The following CSMD3 variants were observed in gnomAD, a reference collection of about 807,000 sequenced individuals.
The protein encoded by CSMD3 is CUB and Sushi multiple domains 3, also known as CUB and sushi domain-containing protein 3.
A neutral mutation model predicts 435.2 loss-of-function variants in CSMD3; 177 were observed. The observed-to-expected ratio is 0.41, with a 90% CI of 0.36 to 0.46. The LOEUF (loss-of-function observed/expected upper bound fraction) is 0.46. Ranked by LOEUF, CSMD3 falls within the 20% of genes least tolerant of loss-of-function variation. The probability of loss-of-function intolerance (pLI) is 0.34; values close to 1 mark genes in which losing one functional copy is unlikely to be tolerated. For synonymous variants in CSMD3, 1,656 were observed against 1,520.5 expected, an observed-to-expected ratio of 1.09 and a Z score of -2.07; for missense variants, 4,265 against 4,504.6, an observed-to-expected ratio of 0.95 and a Z score of 1.52.
intron 1 of CSMD3, among the ~76,000 whole-genome samples, chr8:113,329,380 A>C (rs1000329496): frequency 2.6e-5 from 4 of 152,146 alleles, no homozygotes; most frequent in Admixed American, 2.0e-4. Context: ...GAATTAAGCA[A>C]GAAATTTGAA....
chr8:113,147,858 T>C (rs1048621205), intron 4 of CSMD3, among the ~76,000 whole-genome samples: 2 of 151,694 alleles, frequency 1.3e-5, no homozygotes, highest in Non-Finnish European at 2.9e-5. Context: ...TTCCTAATTA[T>C]ATCTCAAACT....
At chr8:113,178,223 T>C (rs1332096694) in intron 3 of CSMD3, among the ~76,000 whole-genome samples, 2 of 151,960 alleles carry the variant, frequency 1.3e-5, no homozygotes, top group Non-Finnish European at 2.9e-5. Context: ...ATTATGGGTA[T>C]AATTCTCCCC....
chr8:112,287,870 C>T (rs894490042), intron 57 of CSMD3, among the ~76,000 whole-genome samples: 3 of 152,000 alleles, frequency 2.0e-5, no homozygotes, highest in African/African-American at 7.2e-5. Context: ...ACTTAAGTTT[C>T]TGATAAGAAT....
At chr8:113,128,365 T>TA (rs199783176) in intron 4 of CSMD3, among the ~76,000 whole-genome samples, 5 of 152,126 alleles carry the variant, frequency 3.3e-5, no homozygotes, top group African/African-American at 1.2e-4. Flanking sequence ...TAAAAATCCA[T>TA]AAAATTTTTT....
chr8:112,505,998 G>A (rs1479160425), intron 29 of CSMD3, among the ~76,000 whole-genome samples: 2 of 152,016 alleles, frequency 1.3e-5, no homozygotes, highest in Admixed American at 6.6e-5. Flanking sequence ...TATTTCTAAT[G>A]TCCGTATTGA....
Position 112,768,797 on chromosome 8 carries a change from G to A in CSMD3, c.1972+31365C>T, listed in dbSNP as rs145112386. 6.6e-3 allele frequency among the ~76,000 whole-genome samples: 1,003 copies of A among 151,862 alleles called. 7 individuals are homozygous for A. Among genetic ancestry groups the A allele is most frequent in the Non-Finnish European group, 7.3e-3 (498 of 67,856 alleles). On this transcript the variant is annotated intron_variant, in intron 13 of 70. Coordinates refer to ENST00000297405, the MANE Select transcript of CSMD3 (RefSeq NM_198123.2). ...ACAGGGTTGTCTGTGTTTATTATGG[G>A]TAACTCCTCTTTCACCAACCATTCA...
chr8:112,379,199 G>T (rs952317836), intron 38 of CSMD3, among the ~76,000 whole-genome samples: 2 of 152,238 alleles, frequency 1.3e-5, no homozygotes, highest in African/African-American at 4.8e-5. Flanking sequence ...GCGGGACGTG[G>T]TGGCTCACGC....
At chr8:112,829,823 A>G in intron 11 of CSMD3, 34 bp from the exon 12 acceptor site, 1 of 1,153,592 alleles carries the variant, frequency 8.7e-7, no homozygotes, top group Non-Finnish European at 1.3e-6. Context: ...CCTTAAATAT[A>G]CTGCGTTGTG....
At chr8:113,256,542 T>C (rs957150929) in intron 3 of CSMD3, among the ~76,000 whole-genome samples, 6 of 152,216 alleles carry the variant, frequency 3.9e-5, no homozygotes, top group Admixed American at 6.5e-5. Context: ...ATTGGAAATA[T>C]TGCATAACTT....
At chr8:112,828,532 C>T (rs1039219866) in intron 12 of CSMD3, among the ~76,000 whole-genome samples, 17 of 152,148 alleles carry the variant, frequency 1.1e-4, no homozygotes, top group Non-Finnish European at 2.5e-4. Flanking sequence ...CCTTTGCTTT[C>T]GGCCACCATT....
chr8:113,408,429 G>A (rs919407637), intron 1 of CSMD3, among the ~76,000 whole-genome samples: 4 of 151,972 alleles, frequency 2.6e-5, no homozygotes, highest in African/African-American at 9.7e-5. Flanking sequence ...AATCCAACAG[G>A]GTTAATGAAA....
At chr8:112,322,955 A>G (rs1032204096) in intron 45 of CSMD3, among the ~76,000 whole-genome samples, 2 of 152,046 alleles carry the variant, frequency 1.3e-5, no homozygotes, top group African/African-American at 2.4e-5. Flanking sequence ...GGTTTCTTCA[A>G]GAGGGAAGCA....
chr8:112,533,565 T>C (rs1825747951), intron 27 of CSMD3, among the ~76,000 whole-genome samples: 1 of 151,962 alleles, frequency 6.6e-6, no homozygotes, highest in African/African-American at 2.4e-5. Flanking sequence ...CAAGAGGATA[T>C]AACAATCATA....
chr8:112,682,320 A>G (rs1260295617), intron 16 of CSMD3, 122 bp downstream of exon 16: 7 of 819,928 alleles, frequency 8.5e-6, no homozygotes, highest in African/African-American at 1.7e-5. Flanking sequence ...TTTAATATAG[A>G]ATATCAAGAA....
chr8:112,443,160 C>T (rs1054246162), intron 32 of CSMD3, among the ~76,000 whole-genome samples: 4 of 152,152 alleles, frequency 2.6e-5, no homozygotes, highest in Non-Finnish European at 4.4e-5. Flanking sequence ...GTGTTTAAGA[C>T]ACTAGTGTTA....
chr8:112,640,056 T>C (rs780511313), intron 20 of CSMD3, among the ~76,000 whole-genome samples: 1 of 152,178 alleles, frequency 6.6e-6, no homozygotes, highest in Non-Finnish European at 1.5e-5. Context: ...TTGCTCCGTA[T>C]CTTCTCCAAT....
In CSMD3 at chr8:112,492,600, CTG is replaced by C; in HGVS notation, c.5165_5166del (p.Thr1722SerfsTer6). 3 of 1,613,392 alleles carry C rather than the reference CTG, an allele frequency of 1.9e-6. No homozygotes were observed. The highest frequency in any genetic ancestry group is 2.5e-6 in the Non-Finnish European group (3 of 1,179,356). On this transcript the variant is annotated frameshift_variant, in exon 31 of 71. Transcript: ENST00000297405. LOFTEE classifies it high-confidence loss of function. ...TAACCAGCATCACAGTAATAGGTGA[CTG>C]TTGACCCTAATTTATAATCCATTCC... ...RLGMDYKLGS[T>X]VTYYCDAGYV...
intron 3 of CSMD3, among the ~76,000 whole-genome samples, chr8:113,251,088 T>C (rs1458328208): frequency 1.3e-5 from 2 of 152,154 alleles, no homozygotes; most frequent in South Asian, 2.1e-4. Context: ...ATTCAGTATC[T>C]ACTATGTGCA....
rs1387361760 is a variant in CSMD3 at position 112,341,458 on chromosome 8, T to C, written c.6652+19A>G. The C allele has an allele frequency of 1.3e-6, 2 of 1,510,840 alleles. No individual in the cohort carries two copies. The highest frequency in any genetic ancestry group is 1.7e-5 in the Admixed American group (1 of 59,718). The allele number at this position is 1,510,840 out of a possible 1,614,324, so 93.6% of individuals were successfully genotyped here. A position where few individuals can be genotyped will look rare whatever the true frequency, so the allele number is the denominator to read the frequency against. On this transcript the variant is annotated intron_variant, in intron 42 of 70. Transcript: ENST00000297405. ...GATTTGGGGTTATATAAATTTTCATTTTTTATTATTTCTCTTACCTTGGTA... is the reference window on the plus strand; with the variant it reads ...GATTTGGGGTTATATAAATTTTCATCTTTTATTATTTCTCTTACCTTGGTA...
Sources: allele counts gnomAD v4.1 joint callset (sites outside exome capture counted in the v4.1 genomes callset), GRCh38; gene constraint gnomAD v4.1.1; transcripts MANE v1.5; gene names NCBI Gene and HGNC (gene_info 2026-07-23, HGNC 2026-07-21).